Variants in MX1 observed in about 807,000 individuals in gnomAD.
MX1 encodes MX dynamin like GTPase 1.
Under a neutral mutation model 66.4 loss-of-function variants are expected in MX1, and 66 were observed. The observed-to-expected ratio is 0.99, with a 90% CI of 0.82 to 1.22. The LOEUF is 1.22. Ranked by LOEUF, MX1 falls within the 50% of genes most tolerant of loss-of-function variation. The probability of loss-of-function intolerance (pLI) is 0.00; values close to 1 mark genes in which losing one functional copy is unlikely to be tolerated. For missense variants in MX1, 787 were observed against 834.3 expected (o/e 0.94, Z 0.70); for synonymous variants, 311 against 318.1 (o/e 0.98, Z 0.24).
intron 6 of MX1, 38 bp from the exon 7 acceptor site, chr21:41,436,977 G>A (rs2090381100): frequency 1.9e-6 from 3 of 1,610,362 alleles, no homozygotes; most frequent in African/African-American, 2.7e-5. Flanking sequence ...GGTCTTTTAA[G>A]AGCAAAGTGG....
intron 13 of MX1, among the ~76,000 whole-genome samples, chr21:41,446,482 C>T (rs952143934): frequency 6.6e-6 from 1 of 152,140 alleles, no homozygotes; most frequent in African/African-American, 2.4e-5. Context: ...GGTGCATAAA[C>T]AGTTCATTTA....
intron 13 of MX1, among the ~76,000 whole-genome samples, chr21:41,446,683 C>T (rs939889831): frequency 1.3e-5 from 2 of 152,154 alleles, no homozygotes; most frequent in Non-Finnish European, 2.9e-5. Context: ...GTAAAAAATA[C>T]GGTATCAGTG....
intron 13 of MX1, among the ~76,000 whole-genome samples, chr21:41,447,121 G>T (rs2090686013): frequency 6.6e-6 from 1 of 152,164 alleles, no homozygotes; most frequent in Admixed American, 6.5e-5. Context: ...CAGTTCTGGA[G>T]GCTGGAAGTC....
At chr21:41,436,128 T>G in intron 6 of MX1, 99 bp downstream of exon 6, 1 of 1,371,192 alleles carries the variant, frequency 7.3e-7, no homozygotes, top group Non-Finnish European at 9.8e-7. Context: ...CTCACAGTTC[T>G]GGAGACTGGA....
intron 7 of MX1, among the ~76,000 whole-genome samples, chr21:41,438,040 G>A (rs2090412014): frequency 6.6e-6 from 1 of 152,222 alleles, no homozygotes; most frequent in Non-Finnish European, 1.5e-5. Context: ...TGAGATGCAT[G>A]GATAACATCT....
At chr21:41,446,224 C>A in intron 13 of MX1, 83 bp downstream of exon 13, 2 of 1,253,224 alleles carry the variant, frequency 1.6e-6, no homozygotes, top group South Asian at 1.3e-5. Context: ...AAACTTATTG[C>A]TCATTGTTCT....
At chr21:41,456,998 G>A (rs538633810) in intron 16 of MX1, among the ~76,000 whole-genome samples, 3 of 152,322 alleles carry the variant, frequency 2.0e-5, no homozygotes, top group Admixed American at 6.5e-5. Context: ...CTGACCATGT[G>A]ATCCATCCGC....
chr21:41,454,515 G>A (rs2090913641), intron 16 of MX1, among the ~76,000 whole-genome samples: 1 of 152,170 alleles, frequency 6.6e-6, no homozygotes, highest in Non-Finnish European at 1.5e-5. Flanking sequence ...TGTTGAGTTG[G>A]CTGGAAGGCA....
At chr21:41,430,736 T>A (rs2090188567) in intron 4 of MX1, 128 bp downstream of exon 4, 1 of 152,190 alleles carries the variant, frequency 6.6e-6, no homozygotes, top group Non-Finnish European at 1.5e-5. Flanking sequence ...CTACAACATT[T>A]TAAAAATGAA....
chr21:41,457,570 G>A (rs374327158), intron 16 of MX1, among the ~76,000 whole-genome samples: 16 of 152,204 alleles, frequency 1.1e-4, no homozygotes, highest in Middle Eastern at 3.4e-3. Context: ...TACTCCACAC[G>A]CCCACTCAGG....
Position 41,445,475 on chromosome 21 carries a change from A to G in MX1, c.1036A>G (p.Ile346Val), listed in dbSNP as rs776847778. 5.0e-6 allele frequency: 8 copies of G among 1,614,008 alleles called. No homozygotes were observed. In the East Asian group the frequency reaches 1.3e-4, roughly 27 times the overall value. Residue 346 changes from isoleucine to valine, a missense_variant, in exon 12 of 17, where the codon ATC becomes GTC. Physicochemically the swap from Ile to Val is conservative, Grantham distance 29. Coordinates refer to ENST00000398598, the MANE Select transcript of MX1 (RefSeq NM_002462.5). ...CKSLPLLENQ[I>V]KETHQRITEE... Reference sequence around the variant, plus strand: ...ATCTCTGCCCCTGTTAGAAAATCAAATCAAGGAGACTCACCAGAGAATAAC... The same window carrying G: ...ATCTCTGCCCCTGTTAGAAAATCAAGTCAAGGAGACTCACCAGAGAATAAC...
Position 41,439,865 on chromosome 21 carries a change from AT to A in MX1, c.591+19del. The A allele has an allele frequency of 7.1e-7, 1 of 1,402,682 alleles. No individual in the cohort carries two copies. The highest frequency in any genetic ancestry group is 1.1e-5 in the South Asian group (1 of 87,624). 86.9% of individuals were successfully genotyped at this position (1,402,682 alleles called of 1,614,324 possible). On this transcript the variant is annotated intron_variant, in intron 8 of 16. Coordinates refer to ENST00000398598, the MANE Select transcript of MX1 (RefSeq NM_002462.5). ...GGGTATAAGGTCAGACTTCAGACCCATTCTGACCTTGGCCGTGGCGTGGGGA... is the reference window on the plus strand; with the variant it reads ...GGGTATAAGGTCAGACTTCAGACCCATCTGACCTTGGCCGTGGCGTGGGGA...
chr21:41,422,354 G>A (rs890775676), upstream of MX1, among the ~76,000 whole-genome samples: 1 of 152,172 alleles, frequency 6.6e-6, no homozygotes, highest in East Asian at 1.9e-4. Context: ...AATCCACCCC[G>A]TGTTTAGCAT....
chr21:41,458,160 G>A (rs2091000620), intron 16 of MX1, among the ~76,000 whole-genome samples: 2 of 152,136 alleles, frequency 1.3e-5, no homozygotes, highest in African/African-American at 2.4e-5. Flanking sequence ...GCTATTTTTT[G>A]TATTTTTAGT....
chr21:41,454,322 G>GT (rs2090908438), intron 16 of MX1, among the ~76,000 whole-genome samples: 1 of 152,190 alleles, frequency 6.6e-6, no homozygotes, highest in African/African-American at 2.4e-5. Flanking sequence ...TGGGGTGTGT[G>GT]TGACTTAACC....
upstream of MX1, among the ~76,000 whole-genome samples, chr21:41,425,647 T>C (rs191275180): frequency 2.6e-5 from 4 of 152,298 alleles, no homozygotes; most frequent in Admixed American, 1.3e-4. Context: ...TATTTTATTT[T>C]CCTTCCACAC....
rs1266916900 is a variant in MX1, at chr21:41,451,255, C to G, written c.1509+12C>G. The stretch of plus-strand genomic sequence containing the variant: ...ACAGAACCGCCAAGGTAAAACCAAC[C>G]ATGTGTTGTTTAAAAAAAAAAAAGA... On this transcript the variant is annotated intron_variant, in intron 15 of 16. Transcript: ENST00000398598. 1 of 1,538,504 alleles carries G rather than the reference C, an allele frequency of 6.5e-7. No homozygotes were observed. The highest frequency in any genetic ancestry group is 1.4e-5 in the African/African-American group (1 of 71,840).
intron 16 of MX1, among the ~76,000 whole-genome samples, chr21:41,455,055 C>A (rs777934379): frequency 6.6e-6 from 1 of 152,066 alleles, no homozygotes; most frequent in Admixed American, 6.6e-5. Flanking sequence ...TACAGGCTTA[C>A]CTTGCCACCA....
intron 5 of MX1, 78 bp downstream of exon 5, chr21:41,432,253 C>T: frequency 7.9e-7 from 1 of 1,266,492 alleles, no homozygotes; most frequent in African/African-American, 1.5e-5. Context: ...TACAGCGGTG[C>T]TACTGCTGCC....
Sources: allele counts gnomAD v4.1 joint callset (sites outside exome capture counted in the v4.1 genomes callset), GRCh38; gene constraint gnomAD v4.1.1; transcripts MANE v1.5; gene names NCBI Gene and HGNC (gene_info 2026-07-23, HGNC 2026-07-21).